The following CCDC91 variants were observed in gnomAD, a reference collection of about 807,000 sequenced individuals.
CCDC91 encodes the protein coiled-coil domain-containing protein 91.
A neutral mutation model predicts 63.2 loss-of-function variants in CCDC91; 48 were observed. The ratio of observed to expected loss-of-function variants is 0.76; its 90% CI spans 0.60 to 0.97. CCDC91 has a LOEUF of 0.97. Among genes scored for constraint, CCDC91 ranks in the 50% least tolerant of loss-of-function variants. The pLI is 0.00. For missense variants in CCDC91, 500 were observed against 494.6 expected, an observed-to-expected ratio of 1.01 and a Z score of -0.10; for synonymous variants, 167 against 165.8, an observed-to-expected ratio of 1.01 and a Z score of -0.06.
intron 1 of CCDC91, among the ~76,000 whole-genome samples, chr12:28,232,685 T>C (rs1944676907): frequency 1.3e-5 from 2 of 151,966 alleles, no homozygotes; most frequent in African/African-American, 4.8e-5. Context: ...TAATCAAGAG[T>C]GGTGATGTTT....
chr12:28,486,534 G>T (rs1951735769), intron 12 of CCDC91, among the ~76,000 whole-genome samples: 1 of 151,826 alleles, frequency 6.6e-6, no homozygotes, highest in Non-Finnish European at 1.5e-5. Context: ...TGGTTGAGAT[G>T]GATGATTTTT....
intron 12 of CCDC91, among the ~76,000 whole-genome samples, chr12:28,501,516 T>A (rs900792316): frequency 6.6e-6 from 1 of 152,042 alleles, no homozygotes; most frequent in African/African-American, 2.4e-5. Context: ...CATTTATTGC[T>A]TTGCGTATAT....
intron 1 of CCDC91, among the ~76,000 whole-genome samples, chr12:28,207,364 C>A (rs185151490): frequency 3.9e-4 from 60 of 152,126 alleles, no homozygotes; most frequent in Non-Finnish European, 7.2e-4. Context: ...GTTCAAGGTT[C>A]CAAAGTTTTG....
In CCDC91 at chr12:28,452,628, A is replaced by G. The variant is rs746786019; in HGVS notation, c.1075A>G (p.Ile359Val). 1.9e-6 allele frequency: 3 copies of G among 1,550,702 alleles called. No individual in the cohort carries two copies. In the East Asian group the frequency reaches 6.8e-5, roughly 35 times the overall value. The change falls in exon 11 of 13, where the codon ATA (isoleucine) becomes GTA (valine). Residue 359 changes from isoleucine (I) to valine (V), a missense_variant. Ile to Val is a conservative substitution (Grantham distance 29). Transcript: ENST00000536442. ...AGTATCTCAGGAAATTCAAAAAGCT[A>G]TACAAGAACAAAGAAAAATAAGTCA... is the stretch of plus-strand genomic sequence containing the variant. ...EKVSQEIQKAIQEQRKISQET... is the reference protein window; with the variant it reads ...EKVSQEIQKAVQEQRKISQET...
At chr12:28,502,498 C>T (rs1938056037) in intron 12 of CCDC91, among the ~76,000 whole-genome samples, 2 of 149,952 alleles carry the variant, frequency 1.3e-5, no homozygotes, top group African/African-American at 4.9e-5. Context: ...GTGAAAATGG[C>T]CATACTGCCC....
At chr12:28,325,943 T>C (rs573553502) in intron 6 of CCDC91, among the ~76,000 whole-genome samples, 2 of 152,262 alleles carry the variant, frequency 1.3e-5, no homozygotes, top group Admixed American at 6.5e-5. Flanking sequence ...TAAGGAACTA[T>C]AGGAAATAAA....
chr12:28,382,596 A>G (rs1945361911), intron 7 of CCDC91, among the ~76,000 whole-genome samples: 1 of 152,144 alleles, frequency 6.6e-6, no homozygotes, highest in Non-Finnish European at 1.5e-5. Context: ...GATGGAACAC[A>G]TGTAACCAAC....
chr12:28,257,369 T>C (rs749207099), intron 2 of CCDC91, 124 bp downstream of exon 2: 16 of 640,300 alleles, frequency 2.5e-5, no homozygotes, highest in Non-Finnish European at 4.1e-5. Flanking sequence ...TTAATGTAAT[T>C]CTGGAGTAAA....
chr12:28,321,476 A>C (rs1184948373), intron 6 of CCDC91, among the ~76,000 whole-genome samples: 7 of 151,926 alleles, frequency 4.6e-5, no homozygotes, highest in African/African-American at 1.7e-4. Flanking sequence ...GTTTCCCCCT[A>C]AAATTCGTAC....
chr12:28,408,108 A>G (rs1276180578), intron 8 of CCDC91, among the ~76,000 whole-genome samples: 1 of 151,882 alleles, frequency 6.6e-6, no homozygotes, highest in Non-Finnish European at 1.5e-5. Context: ...TGCATTAGGT[A>G]TTTGTCCTAA....
chr12:28,369,286 C>CA (rs1197583033), intron 7 of CCDC91, among the ~76,000 whole-genome samples: 2 of 151,472 alleles, frequency 1.3e-5, no homozygotes, highest in Non-Finnish European at 2.9e-5. Context: ...AGAAATTGGC[C>CA]AAAAAAAAGT....
At chr12:28,384,719 A>AT (rs112505636) in intron 7 of CCDC91, among the ~76,000 whole-genome samples, 87 of 150,010 alleles carry the variant, frequency 5.8e-4, no homozygotes, top group Non-Finnish European at 6.1e-4. Flanking sequence ...GTTAAAACTG[A>AT]TTTTTTTTTT....
At chr12:28,428,165 T>C (rs1948428848) in intron 8 of CCDC91, among the ~76,000 whole-genome samples, 1 of 152,192 alleles carries the variant, frequency 6.6e-6, no homozygotes, top group Non-Finnish European at 1.5e-5. Context: ...TTCACAGTGT[T>C]CACTGTGTGC....
At chr12:28,519,744 G>A (rs1177221743) in intron 12 of CCDC91, among the ~76,000 whole-genome samples, 3 of 101,606 alleles carry the variant, frequency 3.0e-5, no homozygotes, top group African/African-American at 1.2e-4. Context: ...AACAGGCCCC[G>A]GTGTGTGATG....
intron 8 of CCDC91, among the ~76,000 whole-genome samples, chr12:28,403,433 G>A (rs1250755976): frequency 6.6e-6 from 1 of 152,008 alleles, no homozygotes; most frequent in Non-Finnish European, 1.5e-5. Flanking sequence ...TGTCTGTTGA[G>A]GGCCTGCTTT....
chr12:28,491,128 T>G (rs1272931034), intron 12 of CCDC91, among the ~76,000 whole-genome samples: 1 of 151,666 alleles, frequency 6.6e-6, no homozygotes, highest in Non-Finnish European at 1.5e-5. Context: ...CTAATCGAAG[T>G]ACAGTGAGCA....
intron 6 of CCDC91, among the ~76,000 whole-genome samples, chr12:28,339,534 A>T (rs998959554): frequency 6.6e-6 from 1 of 151,976 alleles, no homozygotes; most frequent in Admixed American, 6.6e-5. Context: ...TTTGGGAAAA[A>T]AAAAACAATA....
At chr12:28,385,336 C>G (rs1945536531) in intron 7 of CCDC91, among the ~76,000 whole-genome samples, 1 of 152,074 alleles carries the variant, frequency 6.6e-6, no homozygotes, top group African/African-American at 2.4e-5. Context: ...GACAAATAAT[C>G]AGGCTTGCCT....
intron 1 of CCDC91, among the ~76,000 whole-genome samples, chr12:28,247,413 G>GAGCTTGC (rs1479570488): frequency 6.6e-6 from 1 of 151,364 alleles, no homozygotes; most frequent in East Asian, 1.9e-4. Context: ...CCGGGAGGCG[G>GAGCTTGC]AGCTTGCAGT....
Sources: allele counts gnomAD v4.1 joint callset (sites outside exome capture counted in the v4.1 genomes callset), GRCh38; gene constraint gnomAD v4.1.1; transcripts MANE v1.5; gene names NCBI Gene and HGNC (gene_info 2026-07-23, HGNC 2026-07-21).